Variants in ETV6 observed in about 807,000 individuals in gnomAD.
ETV6 encodes ETS variant transcription factor 6.
A neutral mutation model predicts 51.1 loss-of-function variants in ETV6; 16 were observed. The ratio of observed to expected loss-of-function variants is 0.31; its 90% CI spans 0.21 to 0.48. The LOEUF is 0.48. Among genes scored for constraint, ETV6 ranks in the 20% least tolerant of loss-of-function variants. The pLI is 0.99. For missense variants in ETV6, 458 were observed against 594.8 expected (o/e 0.77, Z 2.39); for synonymous variants, 240 against 224.1 (o/e 1.07, Z -0.64).
intron 2 of ETV6, among the ~76,000 whole-genome samples, chr12:11,819,328 C>G (rs1946042297): frequency 6.6e-6 from 1 of 152,196 alleles, no homozygotes; most frequent in Admixed American, 6.5e-5. Context: ...TCTGACTTGT[C>G]CCCGGTCTTG....
At chr12:11,697,464 G>A (rs1346588097) in intron 1 of ETV6, among the ~76,000 whole-genome samples, 1 of 152,214 alleles carries the variant, frequency 6.6e-6, no homozygotes, top group Non-Finnish European at 1.5e-5. Context: ...CTGCTTTTAA[G>A]CTTGAGTCAC....
rs73281367 is a variant in ETV6 at position 11,891,405 on chromosome 12, C to T, written c.*359C>T. 1,378 of 342,362 alleles carry T rather than the reference C, an allele frequency of 4.0e-3. 20 individuals carry two copies. Among genetic ancestry groups the T allele is most frequent in the African/African-American group, 0.027 (1,285 of 47,504 alleles). 21.2% of individuals were successfully genotyped at this position (342,362 alleles called of 1,614,324 possible). ...AAGAACCTGCAGTTTGACTCTTCAT[C>T]GTTCATCTAGGGGAAGACATCTGAT... On this transcript the variant is annotated 3_prime_UTR_variant, in exon 8 of 8. Coordinates refer to ENST00000396373, the MANE Select transcript of ETV6 (RefSeq NM_001987.5).
intron 1 of ETV6, among the ~76,000 whole-genome samples, chr12:11,743,912 C>T (rs17818624): frequency 0.31 from 47,044 of 151,808 alleles, 7,757 homozygotes; most frequent in East Asian, 0.43. Context: ...GAGGAGGAGG[C>T]GAAGGGTTTA....
intron 4 of ETV6, among the ~76,000 whole-genome samples, chr12:11,858,539 C>T (rs1163221677): frequency 2.0e-5 from 3 of 152,130 alleles, no homozygotes; most frequent in Admixed American, 6.5e-5. Context: ...CACAGAATCA[C>T]CCCATGGGAC....
chr12:11,790,588 G>C (rs1195682535), intron 2 of ETV6, among the ~76,000 whole-genome samples: 1 of 152,008 alleles, frequency 6.6e-6, no homozygotes, highest in Non-Finnish European at 1.5e-5. Flanking sequence ...AGGGGGCACA[G>C]TGAGCACAGT....
chr12:11,686,536 C>CT (rs1186704388), intron 1 of ETV6, among the ~76,000 whole-genome samples: 2 of 151,590 alleles, frequency 1.3e-5, no homozygotes, highest in East Asian at 1.9e-4. Flanking sequence ...ACTGTCATGA[C>CT]TTTTTTTTTG....
intron 1 of ETV6, among the ~76,000 whole-genome samples, chr12:11,705,547 C>T (rs1865058793): frequency 6.6e-6 from 1 of 152,200 alleles, no homozygotes; most frequent in Admixed American, 6.5e-5. Context: ...ATAATAATAA[C>T]TTGATTTAGT....
At chr12:11,777,402 A>G (rs1441372763) in intron 2 of ETV6, among the ~76,000 whole-genome samples, 1 of 152,126 alleles carries the variant, frequency 6.6e-6, no homozygotes, top group Non-Finnish European at 1.5e-5. Flanking sequence ...GGTTATCTCT[A>G]GGTAGAAGGA....
At chr12:11,844,342 G>A (rs1946430408) in intron 3 of ETV6, among the ~76,000 whole-genome samples, 2 of 152,180 alleles carry the variant, frequency 1.3e-5, no homozygotes, top group South Asian at 4.1e-4. Flanking sequence ...TTGGGGATTT[G>A]CTAAATATAT....
At chr12:11,772,594 G>T (rs1423438789) in intron 2 of ETV6, among the ~76,000 whole-genome samples, 1 of 152,180 alleles carries the variant, frequency 6.6e-6, no homozygotes, top group African/African-American at 2.4e-5. Flanking sequence ...CTGAGTCAAG[G>T]AAGTAATTGA....
At chr12:11,673,270 G>A (rs995302731) in intron 1 of ETV6, among the ~76,000 whole-genome samples, 1 of 152,176 alleles carries the variant, frequency 6.6e-6, no homozygotes, top group Non-Finnish European at 1.5e-5. Flanking sequence ...GGGGCAGGAT[G>A]TGAGATGAGT....
At chr12:11,711,636 T>G (rs1865174115) in intron 1 of ETV6, among the ~76,000 whole-genome samples, 1 of 152,228 alleles carries the variant, frequency 6.6e-6, no homozygotes. Flanking sequence ...GCGCTTCTGT[T>G]TTCCAAACAT....
chr12:11,851,267 A>G (rs1045776441), intron 3 of ETV6, among the ~76,000 whole-genome samples: 2 of 151,986 alleles, frequency 1.3e-5, no homozygotes, highest in Admixed American at 1.3e-4. Flanking sequence ...ATCATCAGGA[A>G]CACATTTTTC....
chr12:11,691,762 A>G (rs1393689689), intron 1 of ETV6, among the ~76,000 whole-genome samples: 1 of 152,194 alleles, frequency 6.6e-6, no homozygotes, highest in Non-Finnish European at 1.5e-5. Context: ...TGGGCGTTGA[A>G]GTTGGTGCTA....
chr12:11,778,356 G>T (rs1408417664), intron 2 of ETV6, among the ~76,000 whole-genome samples: 1 of 152,226 alleles, frequency 6.6e-6, no homozygotes, highest in Non-Finnish European at 1.5e-5. Context: ...CCTGTCTGTT[G>T]TGAGCCACTT....
chr12:11,699,159 A>G (rs1864930941), intron 1 of ETV6, among the ~76,000 whole-genome samples: 1 of 152,184 alleles, frequency 6.6e-6, no homozygotes, highest in Non-Finnish European at 1.5e-5. Flanking sequence ...TGAAAGGACA[A>G]CATTCTTTCT....
At chr12:11,749,329 A>T (rs1326767029) in intron 1 of ETV6, among the ~76,000 whole-genome samples, 1 of 99,694 alleles carries the variant, frequency 1.0e-5, no homozygotes, top group Non-Finnish European at 2.4e-5. Flanking sequence ...ACACACACAC[A>T]CACACACACA....
intron 2 of ETV6, among the ~76,000 whole-genome samples, chr12:11,795,496 A>G (rs550768411): frequency 2.0e-4 from 31 of 152,390 alleles, no homozygotes; most frequent in African/African-American, 7.2e-4. Flanking sequence ...AATTTCAGTC[A>G]TCATTGGGAA....
Position 11,865,284 on chromosome 12 carries a change from G to T in ETV6, c.464-4140G>T, listed in dbSNP as rs1272101530. Among the ~76,000 whole-genome samples the T allele has an allele frequency of 2.0e-5, 3 of 151,340 alleles. No homozygotes were observed. The East Asian group carries it at 5.8e-4, about 29-fold the overall frequency. On this transcript the variant is annotated intron_variant, in intron 4 of 7. Transcript: ENST00000396373. Reference sequence around the variant, plus strand: ...AAAAAAAAAAATAGTGTCAACATAGGTCTCAAAAAAAGACTATAAAATCAT... The same window carrying T: ...AAAAAAAAAAATAGTGTCAACATAGTTCTCAAAAAAAGACTATAAAATCAT...
Sources: allele counts gnomAD v4.1 joint callset (sites outside exome capture counted in the v4.1 genomes callset), GRCh38; gene constraint gnomAD v4.1.1; transcripts MANE v1.5; gene names NCBI Gene and HGNC (gene_info 2026-07-23, HGNC 2026-07-21).